PTPN4: variants seen among roughly 807,000 people sequenced by gnomAD.
PTPN4 encodes tyrosine-protein phosphatase non-receptor type 4.
In PTPN4, 49 loss-of-function variants were observed where a neutral mutation model predicts 135.5. The ratio of observed to expected loss-of-function variants is 0.36; its 90% confidence interval spans 0.29 to 0.46. The LOEUF (loss-of-function observed/expected upper bound fraction) is 0.46, where lower values mean the gene tolerates loss of function less well. PTPN4 is among the 20% of genes least tolerant of loss of function. The pLI is 1.00. For missense variants in PTPN4, 860 were observed against 1,101.0 expected (o/e 0.78, Z 3.10); for synonymous variants, 333 against 369.9 (o/e 0.90, Z 1.14).
At chr2:119,776,350 T>C (rs1305954286) in intron 1 of PTPN4, among the ~76,000 whole-genome samples, 2 of 152,098 alleles carry the variant, frequency 1.3e-5, no homozygotes, top group East Asian at 3.9e-4. Context: ...TAATTTTTTG[T>C]GTTTTTAGTA....
intron 2 of PTPN4, among the ~76,000 whole-genome samples, chr2:119,811,121 C>T (rs1691565491): frequency 6.6e-6 from 1 of 152,058 alleles, no homozygotes; most frequent in Admixed American, 6.6e-5. Flanking sequence ...AGGAGAAATA[C>T]CCAATGTAAA....
chr2:119,911,003 G>C (rs556492115), intron 10 of PTPN4, among the ~76,000 whole-genome samples: 1 of 152,200 alleles, frequency 6.6e-6, no homozygotes, highest in African/African-American at 2.4e-5. Flanking sequence ...AACTTGAATA[G>C]ATCTGTATCT....
intron 26 of PTPN4, among the ~76,000 whole-genome samples, chr2:119,969,890 T>C (rs1226006782): frequency 1.3e-5 from 2 of 151,860 alleles, no homozygotes; most frequent in Non-Finnish European, 2.9e-5. Context: ...ATTGGCAGTA[T>C]TTAAATTTCT....
At chr2:119,839,694 G>A (rs1677350934) in intron 2 of PTPN4, among the ~76,000 whole-genome samples, 2 of 152,126 alleles carry the variant, frequency 1.3e-5, no homozygotes, top group South Asian at 4.1e-4. Flanking sequence ...AGTATTTGAA[G>A]ATACTTCAGT....
At chr2:119,878,689 CTT>C (rs74600465) in intron 5 of PTPN4, among the ~76,000 whole-genome samples, 22 of 129,760 alleles carry the variant, frequency 1.7e-4, no homozygotes, top group Admixed American at 2.3e-4. Context: ...GCAGGTGTTC[CTT>C]TTTTTTTTTT....
intron 12 of PTPN4, among the ~76,000 whole-genome samples, chr2:119,923,640 C>A (rs1446559830): frequency 6.6e-6 from 1 of 151,772 alleles, no homozygotes; most frequent in Non-Finnish European, 1.5e-5. Context: ...TCAGAATAAT[C>A]CTGATTAAAA....
chr2:119,961,009 C>T, intron 23 of PTPN4, 56 bp downstream of exon 23: 1 of 1,472,632 alleles, frequency 6.8e-7, no homozygotes, highest in South Asian at 1.4e-5. Context: ...TTATACTGCA[C>T]ATATGTAGTC....
chr2:119,948,430 A>G (rs913941848), intron 18 of PTPN4, among the ~76,000 whole-genome samples: 1 of 152,132 alleles, frequency 6.6e-6, no homozygotes, highest in African/African-American at 2.4e-5. Context: ...TTTGCTAAAA[A>G]CAAAAATTTA....
chr2:119,802,518 T>C (rs1691395813), intron 1 of PTPN4, among the ~76,000 whole-genome samples: 1 of 152,214 alleles, frequency 6.6e-6, no homozygotes, highest in Admixed American at 6.5e-5. Context: ...ATTATATTGA[T>C]TGATTGTTAA....
chr2:119,809,094 T>C (rs1017488907), intron 1 of PTPN4, among the ~76,000 whole-genome samples: 7 of 152,080 alleles, frequency 4.6e-5, no homozygotes, highest in African/African-American at 1.4e-4. Context: ...AGTTTTTTTT[T>C]CTCCTCCATG....
At chr2:119,847,087 A>G (rs751492398) in intron 2 of PTPN4, among the ~76,000 whole-genome samples, 45 of 150,248 alleles carry the variant, frequency 3.0e-4, no homozygotes, top group Non-Finnish European at 5.9e-4. Flanking sequence ...ATTTCTTTCT[A>G]TAGATTCACG....
chr2:119,928,750 TTTC>T (rs1295150857), intron 13 of PTPN4, among the ~76,000 whole-genome samples: 1 of 152,184 alleles, frequency 6.6e-6, no homozygotes, highest in African/African-American at 2.4e-5. Flanking sequence ...AAAACTTTCC[TTTC>T]TTAACAAGTG....
chr2:119,844,970 A>G (rs1449898121), intron 2 of PTPN4, among the ~76,000 whole-genome samples: 3 of 150,766 alleles, frequency 2.0e-5, no homozygotes, highest in Non-Finnish European at 3.0e-5. Flanking sequence ...ACCATTGAGC[A>G]CTGAGTGAAC....
chr2:119,793,571 A>T (rs969011475), intron 1 of PTPN4, among the ~76,000 whole-genome samples: 1 of 152,180 alleles, frequency 6.6e-6, no homozygotes, highest in Non-Finnish European at 1.5e-5. Context: ...GGAAATTATA[A>T]AAGTATTGAT....
chr2:119,931,658 T>G (rs1209518641), intron 13 of PTPN4, among the ~76,000 whole-genome samples: 1 of 152,078 alleles, frequency 6.6e-6, no homozygotes, highest in African/African-American at 2.4e-5. Flanking sequence ...CAAGCTGGTC[T>G]TGAATTCCTA....
intron 18 of PTPN4, among the ~76,000 whole-genome samples, chr2:119,947,244 T>C (rs1433270934): frequency 2.0e-5 from 3 of 152,172 alleles, no homozygotes; most frequent in Non-Finnish European, 4.4e-5. Flanking sequence ...TTCAAGCACC[T>C]TTTATCATTT....
At chr2:119,885,689 T>G in intron 8 of PTPN4, 106 bp from the exon 9 acceptor site, 1 of 732,136 alleles carries the variant, frequency 1.4e-6, no homozygotes, top group Non-Finnish European at 2.2e-6. Flanking sequence ...TTCATAGATT[T>G]AATTAGACTG....
chr2:119,941,623 T>C (rs1574414397), intron 15 of PTPN4, among the ~76,000 whole-genome samples: 1 of 152,182 alleles, frequency 6.6e-6, no homozygotes, highest in South Asian at 2.1e-4. Context: ...AAAGTTACTT[T>C]AATAAGAAAG....
chr2:119,917,918 C>G (rs1244356884), intron 11 of PTPN4, among the ~76,000 whole-genome samples: 1 of 152,040 alleles, frequency 6.6e-6, no homozygotes, highest in African/African-American at 2.4e-5. Context: ...ATTTTTGTTA[C>G]ATTTCAAATA....
Sources: allele counts gnomAD v4.1 joint callset (sites outside exome capture counted in the v4.1 genomes callset), GRCh38; gene constraint gnomAD v4.1.1; transcripts MANE v1.5; gene names NCBI Gene and HGNC (gene_info 2026-07-23, HGNC 2026-07-21).